Variants in SCGB2B2 observed in about 807,000 individuals in gnomAD.
SCGB2B2 encodes the protein secretoglobin-like protein.
Under a neutral mutation model 7.6 loss-of-function variants are expected in SCGB2B2, and 11 were observed. That is an observed-to-expected ratio of 1.45 (90% CI 0.91 to 2.40). The LOEUF is 2.40. SCGB2B2 is among the 30% of genes most tolerant of loss of function. The pLI is 0.00. For missense variants in SCGB2B2, 104 were observed against 115.4 expected, an observed-to-expected ratio of 0.90 and a Z score of 0.45; for synonymous variants, 50 against 48.6, an observed-to-expected ratio of 1.03 and a Z score of -0.12.
intron 1 of SCGB2B2, among the ~76,000 whole-genome samples, chr19:34,628,731 A>G (rs1298267188): frequency 1.3e-5 from 2 of 152,032 alleles, no homozygotes; most frequent in African/African-American, 4.8e-5. Flanking sequence ...TATTGCAATC[A>G]ATAGAAAAAG....
intron 1 of SCGB2B2, among the ~76,000 whole-genome samples, chr19:34,613,573 A>G (rs1281350696): frequency 6.6e-6 from 1 of 152,048 alleles, no homozygotes. Context: ...TATTCTTGTG[A>G]TTTTGTTAAC....
intron 1 of SCGB2B2, among the ~76,000 whole-genome samples, chr19:34,641,110 A>C (rs895394449): frequency 6.6e-6 from 1 of 152,010 alleles, no homozygotes; most frequent in East Asian, 1.9e-4. Flanking sequence ...ATTGGACTCA[A>C]ATACTATTGA....
At chr19:34,659,975 C>A (rs1273268648) in intron 1 of SCGB2B2, among the ~76,000 whole-genome samples, 1 of 152,116 alleles carries the variant, frequency 6.6e-6, no homozygotes, top group East Asian at 1.9e-4. Context: ...TCAGAAATAA[C>A]ACCACATGTC....
At chr19:34,636,846 A>C (rs573964434) in intron 1 of SCGB2B2, among the ~76,000 whole-genome samples, 16 of 152,230 alleles carry the variant, frequency 1.1e-4, no homozygotes, top group Admixed American at 3.9e-4. Flanking sequence ...AGTCCCCGCC[A>C]GAGTCCCTCC....
At chr19:34,612,161 C>T (rs1270263) in intron 1 of SCGB2B2, among the ~76,000 whole-genome samples, 57,814 of 150,218 alleles carry the variant, frequency 0.38, 11,575 homozygotes, top group African/African-American at 0.51. Flanking sequence ...GCCTCAGCCT[C>T]CCAAGTAGCT....
At chr19:34,599,939 C>A (rs1299408119) in intron 1 of SCGB2B2, among the ~76,000 whole-genome samples, 6 of 152,196 alleles carry the variant, frequency 3.9e-5, no homozygotes, top group Non-Finnish European at 7.3e-5. Context: ...TACTGTAATG[C>A]AAACCTCACA....
chr19:34,617,927 A>G (rs1337866494), intron 1 of SCGB2B2, among the ~76,000 whole-genome samples: 1 of 152,210 alleles, frequency 6.6e-6, no homozygotes, highest in Non-Finnish European at 1.5e-5. Context: ...TTCTTTGACT[A>G]GGAAAGGGAA....
rs573403662 is a variant in SCGB2B2, at chr19:34,605,480, C to A, written c.-2031-8886G>T. Reference sequence around the variant, plus strand: ...TCCGGTGGCTTTGCCTTTTCCAGAACTGCTTATCAATGAAATCATGTAAGA... The same window carrying A: ...TCCGGTGGCTTTGCCTTTTCCAGAAATGCTTATCAATGAAATCATGTAAGA... On this transcript the variant is annotated intron_variant, in intron 1 of 3. Transcript: ENST00000601241. Among the ~76,000 whole-genome samples, 12 of 152,334 alleles carry A rather than the reference C, an allele frequency of 7.9e-5. No homozygotes were observed. In the East Asian group the frequency reaches 1.9e-3, roughly 24 times the overall value.
chr19:34,624,248 C>T (rs1219625335), intron 1 of SCGB2B2, among the ~76,000 whole-genome samples: 1 of 152,088 alleles, frequency 6.6e-6, no homozygotes, highest in East Asian at 1.9e-4. Flanking sequence ...CAGTGCTGAG[C>T]TTTTATGTGG....
rs201976864 is a variant in SCGB2B2, at chr19:34,591,907, C to A, written c.*1648G>T. ...TTACAATTTTCTTGAGCTTTGCAAC[C>A]CCCTCTTCACCTTGGATGTGAACTT... is the stretch of plus-strand genomic sequence containing the variant. On this transcript the variant is annotated 3_prime_UTR_variant, in exon 4 of 4. Coordinates refer to ENST00000601241, the MANE Select transcript of SCGB2B2 (RefSeq NM_001025591.4). Among the ~76,000 whole-genome samples the A allele has an allele frequency of 3.9e-5, 6 of 152,278 alleles. 1 individual carries two copies. In the East Asian group the frequency reaches 1.2e-3, roughly 29 times the overall value.
intron 1 of SCGB2B2, among the ~76,000 whole-genome samples, chr19:34,626,576 C>T (rs547523883): frequency 4.6e-5 from 7 of 152,190 alleles, no homozygotes; most frequent in East Asian, 3.9e-4. Flanking sequence ...TAAAAAGAAA[C>T]GAACAAAGCC....
Position 34,595,724 on chromosome 19 carries a change from A to C in SCGB2B2, c.-1161T>G, listed in dbSNP as rs534453083. ...CACAAGCCCTTTTCCCAGCACCTAC[A>C]TATGAGGGAGCTGATGTCACTCACG... On this transcript the variant is annotated 5_prime_UTR_variant, in exon 2 of 4. It removes an upstream start codon present in the reference 5' UTR. Transcript: ENST00000601241. 6.6e-6 allele frequency: 1 copy of C among 152,338 alleles called. No individual in the cohort carries two copies. The highest frequency in any genetic ancestry group is 1.9e-4 in the East Asian group (1 of 5,172). 9.4% of individuals were successfully genotyped at this position (152,338 alleles called of 1,614,324 possible).
At chr19:34,635,284 G>T in intron 1 of SCGB2B2, 1 of 294,288 alleles carries the variant, frequency 3.4e-6, no homozygotes, top group East Asian at 9.3e-5. Flanking sequence ...TCTCCAGTGT[G>T]GACTCTCTGG....
intron 1 of SCGB2B2, among the ~76,000 whole-genome samples, chr19:34,619,297 T>C (rs1175182909): frequency 6.6e-6 from 1 of 152,220 alleles, no homozygotes; most frequent in Non-Finnish European, 1.5e-5. Flanking sequence ...CACGCATATA[T>C]AGGCCAAATA....
At chr19:34,643,613 G>A (rs910158338) in intron 1 of SCGB2B2, among the ~76,000 whole-genome samples, 1 of 152,108 alleles carries the variant, frequency 6.6e-6, no homozygotes, top group Non-Finnish European at 1.5e-5. Context: ...TACTCCAAGC[G>A]ATGGACCCTT....
chr19:34,646,567 G>A (rs2067018211), intron 1 of SCGB2B2: 1 of 152,358 alleles, frequency 6.6e-6, no homozygotes, highest in Admixed American at 6.5e-5. Flanking sequence ...TGACCTCTGG[G>A]ACTGGGTGTT....
rs753968261 is a variant in SCGB2B2, at chr19:34,612,022, CTTTTTTTTTTTTTTTTTT to C, written c.-2031-15446_-2031-15429del. ...TCATATATTTGTGTTTTAGAAAATT[CTTTTTTTTTTTTTTTTTT>C]TTTTTTTTTTTTTTTTTTAGGATAG... On this transcript the variant is annotated intron_variant, in intron 1 of 3. Transcript: ENST00000601241. 9.6e-5 allele frequency among the ~76,000 whole-genome samples: 4 copies of C among 41,766 alleles called. No homozygotes were observed. In the East Asian group the frequency reaches 2.8e-3, roughly 29 times the overall value. The allele number at this position is 41,766 out of a possible 152,430, so 27.4% of individuals were successfully genotyped here.
rs551223977 is a variant in SCGB2B2 at position 34,609,338 on chromosome 19, GTTTA to G, written c.-2031-12748_-2031-12745del. 3.1e-3 allele frequency among the ~76,000 whole-genome samples: 475 copies of G among 151,912 alleles called. 1 individual carries two copies. The highest frequency in any genetic ancestry group is 0.011 in the African/African-American group (455 of 41,488). ...AAGCTTTTTAGTTTGTTATAGTCCT[GTTTA>G]TTTTTTCTTTTTTTGTTTGTGCTTT... On this transcript the variant is annotated intron_variant, in intron 1 of 3. Transcript: ENST00000601241.
In SCGB2B2 at chr19:34,591,450, G is replaced by A. The variant is rs920753045; in HGVS notation, c.*2105C>T. On this transcript the variant is annotated 3_prime_UTR_variant, in exon 4 of 4. Transcript: ENST00000601241. Reference sequence around the variant, plus strand: ...ACAAGGCCACGGTGTCTACCTGGACGGCCACAGGGACTCCCAGTTGGTCTT... The same window carrying A: ...ACAAGGCCACGGTGTCTACCTGGACAGCCACAGGGACTCCCAGTTGGTCTT... Among the ~76,000 whole-genome samples the A allele has an allele frequency of 2.6e-5, 4 of 152,146 alleles. No individual in the cohort carries two copies. Among genetic ancestry groups the A allele is most frequent in the Non-Finnish European group, 1.5e-5 (1 of 68,032 alleles).
Sources: gnomAD v4.1 joint callset for allele counts (sites outside exome capture counted in the v4.1 genomes callset) on GRCh38, gnomAD v4.1.1 for gene constraint, MANE v1.5 for transcripts, NCBI Gene and HGNC (gene_info 2026-07-23, HGNC 2026-07-21) for gene names.